RBFA: variants seen among roughly 807,000 people sequenced by gnomAD.
The protein encoded by RBFA is putative ribosome-binding factor A, mitochondrial.
A neutral mutation model predicts 27.9 loss-of-function variants in RBFA; 16 were observed. That is an observed-to-expected ratio of 0.57 (90% confidence interval 0.39 to 0.87). The LOEUF (loss-of-function observed/expected upper bound fraction) is 0.87, where lower values mean the gene tolerates loss of function less well. Among genes scored for constraint, RBFA ranks in the 40% least tolerant of loss-of-function variants. The probability of loss-of-function intolerance (pLI) is 0.00; values close to 1 mark genes in which losing one functional copy is unlikely to be tolerated. For synonymous variants in RBFA, 181 were observed against 181.0 expected (o/e 1.00, Z 0.00); for missense variants, 456 against 432.1 (o/e 1.06, Z -0.49).
In RBFA at chr18:80,046,058, A is replaced by C. The variant is rs1599771909; in HGVS notation, c.935A>C (p.Glu312Ala). ...GACCTGGACCTGGTTGGTGCCCCGGAGTACGAATGCTATGCCCCGGACACA... is the reference window on the plus strand; with the variant it reads ...GACCTGGACCTGGTTGGTGCCCCGGCGTACGAATGCTATGCCCCGGACACA... ...EDDLDLVGAPEYECYAPDTEE... is the reference protein window; with the variant it reads ...EDDLDLVGAPAYECYAPDTEE... The change falls in exon 7 of 7, where the codon GAG becomes GCG. Residue 312 changes from glutamate (E) to alanine (A), a missense_variant. Coordinates refer to ENST00000306735, the MANE Select transcript of RBFA (RefSeq NM_024805.3). 1 of 1,614,140 alleles carries C rather than the reference A, an allele frequency of 6.2e-7. No homozygotes were observed. Among genetic ancestry groups the C allele is most frequent in the South Asian group, 1.1e-5 (1 of 91,080 alleles).
At chr18:80,036,270 G>A (rs2051978352) in intron 1 of RBFA, among the ~76,000 whole-genome samples, 1 of 152,160 alleles carries the variant, frequency 6.6e-6, no homozygotes, top group Non-Finnish European at 1.5e-5. Context: ...TGGTGAGCGT[G>A]GCTCCCACCA....
At position 80,048,574 on chromosome 18, in the gene RBFA, G is replaced by T. The variant is rs1206587090; in HGVS notation, c.*2419G>T. ...GACAGAGACCAGAAGGGACAAGAAG[G>T]AGTGGGCAGAGGGAATGGAAGGTAG... On this transcript the variant is annotated 3_prime_UTR_variant, in exon 7 of 7. Transcript: ENST00000306735. 1.3e-5 allele frequency among the ~76,000 whole-genome samples: 2 copies of T among 152,230 alleles called. No individual in the cohort carries two copies. The highest frequency in any genetic ancestry group is 2.9e-5 in the Non-Finnish European group (2 of 68,034).
In RBFA at chr18:80,038,534, C is replaced by T; in HGVS notation, c.408C>T (p.Cys136=). ...CCCTGACTCCAGACTTCTCAGCCTGCCGAGCGTACTGGAAGACAACGCTCT... is the reference window on the plus strand; with the variant it reads ...CCCTGACTCCAGACTTCTCAGCCTGTCGAGCGTACTGGAAGACAACGCTCT... ...KVSLTPDFSA[C]RAYWKTTLSA... is the part of the protein sequence containing the mutation. The change falls in exon 4 of 7, where the codon TGC becomes TGT. Residue 136 remains cysteine, a synonymous_variant. Coordinates refer to ENST00000306735, the MANE Select transcript of RBFA (RefSeq NM_024805.3). The T allele has an allele frequency of 1.9e-6, 3 of 1,613,716 alleles. No individual in the cohort carries two copies. The highest frequency in any genetic ancestry group is 2.5e-6 in the Non-Finnish European group (3 of 1,179,696).
chr18:80,045,467 C>T (rs1021700806), intron 6 of RBFA, among the ~76,000 whole-genome samples: 6 of 152,056 alleles, frequency 3.9e-5, no homozygotes, highest in South Asian at 4.1e-4. Context: ...CCTCGTGATC[C>T]GCCCGCCTCA....
chr18:80,043,037 T>TG (rs1360843452), intron 5 of RBFA, among the ~76,000 whole-genome samples: 5 of 152,156 alleles, frequency 3.3e-5, no homozygotes, highest in African/African-American at 1.2e-4. Flanking sequence ...TTCACATTAT[T>TG]GGGGCTTATG....
At position 80,047,475 on chromosome 18, in the gene RBFA, C is replaced by G. The variant is rs1168994051; in HGVS notation, c.*1320C>G. The G allele has an allele frequency of 2.0e-5, 3 of 152,354 alleles. No homozygotes were observed. The highest frequency in any genetic ancestry group is 4.4e-5 in the Non-Finnish European group (3 of 68,074). 9.4% of individuals were successfully genotyped at this position (152,354 alleles called of 1,614,324 possible). On this transcript the variant is annotated 3_prime_UTR_variant, in exon 7 of 7. Coordinates refer to ENST00000306735, the MANE Select transcript of RBFA (RefSeq NM_024805.3). ...GCAAGATGCTGACTCCCTTGTTTTTCTTTTCATTTGTGCTCTGGGACTAAG... is the reference window on the plus strand; with the variant it reads ...GCAAGATGCTGACTCCCTTGTTTTTGTTTTCATTTGTGCTCTGGGACTAAG...
At chr18:80,045,520 C>T (rs1316314307) in intron 6 of RBFA, among the ~76,000 whole-genome samples, 2 of 152,106 alleles carry the variant, frequency 1.3e-5, no homozygotes, top group African/African-American at 2.4e-5. Context: ...CCACCGTGCC[C>T]GGCGCAAATG....
intron 1 of RBFA, chr18:80,034,958 T>A (rs1225285159): frequency 3.0e-6 from 1 of 336,592 alleles, no homozygotes; most frequent in Non-Finnish European, 5.4e-6. Flanking sequence ...AAGAATTTCC[T>A]TGCTAATGTT....
In RBFA at chr18:80,049,634, A is replaced by C. The variant is rs1302062402; in HGVS notation, c.*3479A>C. Among the ~76,000 whole-genome samples the C allele has an allele frequency of 1.3e-5, 2 of 152,234 alleles. No homozygotes were observed. The highest frequency in any genetic ancestry group is 4.8e-5 in the African/African-American group (2 of 41,470). ...GTTAGTAAAGGTCAATGGTTCTCAA[A>C]GTTCCGGGCACATCCCCTGGGGGCT... On this transcript the variant is annotated 3_prime_UTR_variant, in exon 7 of 7. Transcript: ENST00000306735.
chr18:80,040,335 A>G (rs1192789730), intron 4 of RBFA, among the ~76,000 whole-genome samples: 1 of 145,688 alleles, frequency 6.9e-6, no homozygotes, highest in Non-Finnish European at 1.5e-5. Context: ...TGCAGCCTCA[A>G]CCTCCCAGGC....
rs1200617275 is a variant in RBFA at position 80,049,890 on chromosome 18, G to A, written c.*3735G>A. On this transcript the variant is annotated 3_prime_UTR_variant, in exon 7 of 7. Transcript: ENST00000306735. ...TTTGAAGACACCTGGGCCTGGAGAC[G>A]GGCCAGAGCCACCTTGGTGGTCTGA... is the stretch of plus-strand genomic sequence containing the variant. 6.6e-6 allele frequency among the ~76,000 whole-genome samples: 1 copy of A among 152,326 alleles called. No homozygotes were observed. Among genetic ancestry groups the A allele is most frequent in the East Asian group, 1.9e-4 (1 of 5,190 alleles).
Position 80,046,018 on chromosome 18 carries a change from G to A in RBFA, c.895G>A (p.Glu299Lys), listed in dbSNP as rs372074483. ...DSSLKSYLSG[E>K]EVEDDLDLVG... Reference sequence around the variant, plus strand: ...CTCCCTCAAGAGTTACCTGTCAGGCGAGGAGGTTGAAGATGACCTGGACCT... The same window carrying A: ...CTCCCTCAAGAGTTACCTGTCAGGCAAGGAGGTTGAAGATGACCTGGACCT... The change falls in exon 7 of 7, where the codon GAG (glutamate) becomes AAG (lysine). Residue 299 changes from glutamate to lysine, a missense_variant. Transcript: ENST00000306735. The A allele has an allele frequency of 9.3e-6, 15 of 1,614,004 alleles. No individual in the cohort carries two copies. The African/African-American group carries it at 1.5e-4, about 16-fold the overall frequency.
Position 80,048,873 on chromosome 18 carries a change from A to C in RBFA, c.*2718A>C, listed in dbSNP as rs1433586730. Reference sequence around the variant, plus strand: ...GTGTGGGCATGTTTGCAGGGGATCCAACCAGGCGTCGGCTCAGTGCCTCCT... The same window carrying C: ...GTGTGGGCATGTTTGCAGGGGATCCCACCAGGCGTCGGCTCAGTGCCTCCT... On this transcript the variant is annotated 3_prime_UTR_variant, in exon 7 of 7. Coordinates refer to ENST00000306735, the MANE Select transcript of RBFA (RefSeq NM_024805.3). Among the ~76,000 whole-genome samples, 5 of 146,258 alleles carry C rather than the reference A, an allele frequency of 3.4e-5. No homozygotes were observed. The highest frequency in any genetic ancestry group is 8.1e-5 in the African/African-American group (3 of 37,246).
chr18:80,038,824 A>G (rs1482738450), intron 4 of RBFA, among the ~76,000 whole-genome samples: 1 of 152,220 alleles, frequency 6.6e-6, no homozygotes, highest in African/African-American at 2.4e-5. Context: ...GTGTGCCAGG[A>G]TCACTAGGGA....
At chr18:80,038,707 C>A in intron 4 of RBFA, 90 bp downstream of exon 4, 1 of 925,266 alleles carries the variant, frequency 1.1e-6, no homozygotes, top group Non-Finnish European at 1.6e-6. Context: ...TTGAACTTTT[C>A]ATTGAGTATT....
chr18:80,048,884 G>GTCT lies in RBFA; in HGVS notation c.*2729_*2730insTCT, dbSNP rs2052075576. ...TTTGCAGGGGATCCAACCAGGCGTC[G>GTCT]GCTCAGTGCCTCCTAGAAAGTGGAG... On this transcript the variant is annotated 3_prime_UTR_variant, in exon 7 of 7. Transcript: ENST00000306735. Among the ~76,000 whole-genome samples, 9 of 137,538 alleles carry GTCT rather than the reference G, an allele frequency of 6.5e-5. No homozygotes were observed. The highest frequency in any genetic ancestry group is 2.4e-4 in the African/African-American group (8 of 33,120). 90.2% of individuals were successfully genotyped at this position (137,538 alleles called of 152,430 possible).
chr18:80,042,775 A>AAG (rs1038376255), intron 5 of RBFA, among the ~76,000 whole-genome samples: 130 of 152,268 alleles, frequency 8.5e-4, no homozygotes, highest in African/African-American at 3.0e-3. Context: ...GTCAAAAAAA[A>AAG]AAAAGAGAAG....
In RBFA at chr18:80,046,323, G is replaced by GTT; in HGVS notation, c.*176_*177dup. 2.7e-6 allele frequency: 2 copies of GTT among 729,156 alleles called. No homozygotes were observed. The highest frequency in any genetic ancestry group is 3.1e-5 in the Admixed American group (1 of 32,330). 45.2% of individuals were successfully genotyped at this position (729,156 alleles called of 1,614,324 possible). A position where few individuals can be genotyped will look rare whatever the true frequency, so the allele number is the denominator to read the frequency against. On this transcript the variant is annotated 3_prime_UTR_variant, in exon 7 of 7. Coordinates refer to ENST00000306735, the MANE Select transcript of RBFA (RefSeq NM_024805.3). ...AACACAATTTGCTACACAAGTCACT[G>GTT]TTTTTTTTTCCATGCACTGTGTGTA...
Position 80,050,037 on chromosome 18 carries a change from TAGA to T in RBFA, c.*3885_*3887del, listed in dbSNP as rs1245633018. 7.2e-5 allele frequency among the ~76,000 whole-genome samples: 11 copies of T among 152,256 alleles called. No individual in the cohort carries two copies. The highest frequency in any genetic ancestry group is 7.2e-4 in the Admixed American group (11 of 15,288). On this transcript the variant is annotated 3_prime_UTR_variant, in exon 7 of 7. Transcript: ENST00000306735. ...AGGGCCTGAGACCCTCTCTTAGGAATAGAAGTACAGTTTTCTTCCCCACTCCTT... is the reference window on the plus strand; with the variant it reads ...AGGGCCTGAGACCCTCTCTTAGGAATAGTACAGTTTTCTTCCCCACTCCTT...
Sources: gnomAD v4.1 joint callset for allele counts (sites outside exome capture counted in the v4.1 genomes callset) on GRCh38, gnomAD v4.1.1 for gene constraint, MANE v1.5 for transcripts, NCBI Gene and HGNC (gene_info 2026-07-23, HGNC 2026-07-21) for gene names.